The following ATXN2 variants were observed in gnomAD, a reference collection of about 807,000 sequenced individuals.
ATXN2 encodes the protein ataxin-2.
Under a neutral mutation model 138.6 loss-of-function variants are expected in ATXN2, and 37 were observed. The observed-to-expected ratio is 0.27, with a 90% CI of 0.21 to 0.35. The LOEUF (loss-of-function observed/expected upper bound fraction) is 0.35, where lower values mean the gene tolerates loss of function less well. ATXN2 is among the 10% of genes least tolerant of loss of function. The pLI is 1.00. For missense variants in ATXN2, 1,216 were observed against 1,480.3 expected, an observed-to-expected ratio of 0.82 and a Z score of 2.93; for synonymous variants, 549 against 543.7, an observed-to-expected ratio of 1.01 and a Z score of -0.13.
At chr12:111,574,115 G>A (rs1883492993) in intron 1 of ATXN2, among the ~76,000 whole-genome samples, 1 of 151,306 alleles carries the variant, frequency 6.6e-6, no homozygotes, top group East Asian at 1.9e-4. Context: ...CGGGATCTGT[G>A]GCTAACACAG....
At chr12:111,533,110 TC>T (rs1273035658) in intron 5 of ATXN2, among the ~76,000 whole-genome samples, 1 of 152,212 alleles carries the variant, frequency 6.6e-6, no homozygotes, top group African/African-American at 2.4e-5. Flanking sequence ...AGCAGTTCCT[TC>T]CGAGTGATGA....
chr12:111,584,476 G>C (rs541567341), intron 1 of ATXN2, among the ~76,000 whole-genome samples: 1 of 149,130 alleles, frequency 6.7e-6, no homozygotes, highest in African/African-American at 2.5e-5. Flanking sequence ...CCCAGAGTTG[G>C]CCAAAAATTA....
chr12:111,456,303 A>G, intron 22 of ATXN2, 47 bp from the exon 23 acceptor site: 1 of 1,597,684 alleles, frequency 6.3e-7, no homozygotes. Context: ...CTTTAATGAA[A>G]AGCAGCCAAG....
chr12:111,456,260 C>G lies in ATXN2; in HGVS notation c.3043-4G>C, dbSNP rs759913866. The G allele has an allele frequency of 7.4e-6, 12 of 1,614,070 alleles. No homozygotes were observed. In the South Asian group the frequency reaches 1.3e-4, roughly 18 times the overall value. On this transcript the variant is annotated splice_region_variant and splice_polypyrimidine_tract_variant and intron_variant, in intron 22 of 24. Transcript: ENST00000673436. Reference sequence around the variant, plus strand: ...GGGCGGCCTGGTGCTGATGGTGCTGCAAAGCGACAGGAAAGAATTGAGAGG... The same window carrying G: ...GGGCGGCCTGGTGCTGATGGTGCTGGAAAGCGACAGGAAAGAATTGAGAGG...
rs1442771964 is a variant in ATXN2, at chr12:111,576,391, C to A, written c.252-20472G>T. Reference sequence around the variant, plus strand: ...CGGAGGTTGCAGTGAGCTAAGATTGCGCCACTGCACGCCACTGTACTCCAA... The same window carrying A: ...CGGAGGTTGCAGTGAGCTAAGATTGAGCCACTGCACGCCACTGTACTCCAA... On this transcript the variant is annotated intron_variant, in intron 1 of 24. Coordinates refer to ENST00000673436, the MANE Select transcript of ATXN2 (RefSeq NM_001372574.1). Among the ~76,000 whole-genome samples the A allele has an allele frequency of 2.6e-5, 4 of 152,114 alleles. No individual in the cohort carries two copies. In the South Asian group the frequency reaches 8.3e-4, roughly 32 times the overall value.
chr12:111,454,878 A>G, intron 23 of ATXN2: 1 of 586,000 alleles, frequency 1.7e-6, no homozygotes. Flanking sequence ...ACAGGACCCC[A>G]GCTCTTATGA....
At chr12:111,531,059 G>A (rs370748150) in intron 5 of ATXN2, among the ~76,000 whole-genome samples, 10 of 149,986 alleles carry the variant, frequency 6.7e-5, no homozygotes, top group South Asian at 2.1e-4. Context: ...CAGAGGCTGC[G>A]GTGAGCCGAG....
chr12:111,574,453 G>A (rs538045844), intron 1 of ATXN2, among the ~76,000 whole-genome samples: 1 of 151,706 alleles, frequency 6.6e-6, no homozygotes, highest in East Asian at 1.9e-4. Context: ...GGGGGGATAG[G>A]GTCTCACTCT....
intron 14 of ATXN2, among the ~76,000 whole-genome samples, chr12:111,492,057 G>C (rs1878068769): frequency 6.6e-6 from 1 of 152,132 alleles, no homozygotes; most frequent in Non-Finnish European, 1.5e-5. Context: ...TAACATCAGT[G>C]GTGGCCAGAA....
chr12:111,522,279 T>C (rs1475966310), intron 6 of ATXN2, among the ~76,000 whole-genome samples: 4 of 140,700 alleles, frequency 2.8e-5, no homozygotes, highest in Admixed American at 2.1e-4. Flanking sequence ...CAGTAAAAAG[T>C]AAATGTCTTC....
chr12:111,568,530 G>A (rs543440883), intron 1 of ATXN2, among the ~76,000 whole-genome samples: 4 of 152,228 alleles, frequency 2.6e-5, no homozygotes, highest in Non-Finnish European at 5.9e-5. Flanking sequence ...TTGTATAGAA[G>A]TAACTAATTT....
rs898459307 is a variant in ATXN2 at position 111,597,958 on chromosome 12, A to T, written c.251+826T>A. The T allele has an allele frequency of 4.0e-6, 5 of 1,235,168 alleles. No homozygotes were observed. In the African/African-American group the frequency reaches 7.8e-5, roughly 19 times the overall value. The allele number at this position is 1,235,168 out of a possible 1,614,324, so 76.5% of individuals were successfully genotyped here. On this transcript the variant is annotated intron_variant, in intron 1 of 24. Coordinates refer to ENST00000673436, the MANE Select transcript of ATXN2 (RefSeq NM_001372574.1). The stretch of plus-strand genomic sequence containing the variant: ...CTTCTCCACTGCGGCCTCGAACAGC[A>T]ATGCGGATCGGCCACCACCCGCGCG...
intron 1 of ATXN2, among the ~76,000 whole-genome samples, chr12:111,556,220 TA>T (rs1882381784): frequency 6.6e-6 from 1 of 152,008 alleles, no homozygotes; most frequent in Non-Finnish European, 1.5e-5. Flanking sequence ...AAACGTAAAT[TA>T]ATAATAATTA....
chr12:111,510,082 T>A, intron 12 of ATXN2, 84 bp from the exon 13 acceptor site: 1 of 1,045,108 alleles, frequency 9.6e-7, no homozygotes, highest in Non-Finnish European at 1.4e-6. Context: ...TGATTTCCTA[T>A]GTTTTTGGAA....
At chr12:111,521,895 G>A (rs1305353008) in intron 6 of ATXN2, among the ~76,000 whole-genome samples, 1 of 152,190 alleles carries the variant, frequency 6.6e-6, no homozygotes, top group Non-Finnish European at 1.5e-5. Flanking sequence ...CAGGCTGGAA[G>A]ACTATTTACC....
chr12:111,530,907 C>A (rs1157298568), intron 5 of ATXN2, among the ~76,000 whole-genome samples: 2 of 151,066 alleles, frequency 1.3e-5, no homozygotes, highest in Non-Finnish European at 2.9e-5. Context: ...GGGCGGATCA[C>A]CTGAGGTCCG....
Position 111,453,906 on chromosome 12 carries a change from CTG to C in ATXN2, c.3271-63_3271-62del, listed in dbSNP as rs1565998844. The C allele has an allele frequency of 6.6e-7, 1 of 1,523,522 alleles. No homozygotes were observed. The highest frequency in any genetic ancestry group is 1.4e-5 in the African/African-American group (1 of 72,902). 94.4% of individuals were successfully genotyped at this position (1,523,522 alleles called of 1,614,324 possible). ...ATCTCCGGCTTCAACAACATGTCAA[CTG>C]TGTTCCTTTCACTGGGCTGGGACTC... On this transcript the variant is annotated intron_variant, in intron 23 of 24. Coordinates refer to ENST00000673436, the MANE Select transcript of ATXN2 (RefSeq NM_001372574.1). The surrounding 1 kb of genome is among the most constrained non-coding windows in gnomAD (Gnocchi z 5.4).
At chr12:111,559,070 C>T (rs1428472620) in intron 1 of ATXN2, among the ~76,000 whole-genome samples, 1 of 151,514 alleles carries the variant, frequency 6.6e-6, no homozygotes. Context: ...TTAACTGATA[C>T]CATGAGGTTC....
intron 5 of ATXN2, among the ~76,000 whole-genome samples, chr12:111,546,432 C>A (rs1881803367): frequency 6.6e-6 from 1 of 152,136 alleles, no homozygotes. Context: ...AGACAATGCA[C>A]AAACGCATGG....
Sources: allele counts gnomAD v4.1 joint callset (sites outside exome capture counted in the v4.1 genomes callset), GRCh38; gene constraint gnomAD v4.1.1; non-coding constraint Gnocchi (gnomAD v3.1); transcripts MANE v1.5; gene names NCBI Gene and HGNC (gene_info 2026-07-23, HGNC 2026-07-21).